The following P2RY12 variants were observed in gnomAD, a reference collection of about 807,000 sequenced individuals.
P2RY12 encodes the protein purinergic receptor P2Y12.
P2RY12 carries 3 observed loss-of-function variants against 4.5 expected under a neutral mutation model. The observed-to-expected ratio is 0.67, with a 90% CI of 0.31 to 1.74. The LOEUF (loss-of-function observed/expected upper bound fraction) is 1.74. Ranked by LOEUF, P2RY12 falls within the 40% of genes most tolerant of loss-of-function variation. The pLI is 0.09. For missense variants in P2RY12, 356 were observed against 407.8 expected (o/e 0.87, Z 1.09); for synonymous variants, 148 against 154.1 (o/e 0.96, Z 0.29).
chr3:151,381,453 G>T (rs1410240544), intron 1 of P2RY12, among the ~76,000 whole-genome samples: 1 of 152,136 alleles, frequency 6.6e-6, no homozygotes, highest in African/African-American at 2.4e-5. Flanking sequence ...ACCAGTCATG[G>T]CCCTCTTTCC....
chr3:151,344,274 A>C (rs1002972389), intron 1 of P2RY12, among the ~76,000 whole-genome samples: 4 of 148,644 alleles, frequency 2.7e-5, no homozygotes, highest in Admixed American at 6.9e-5. Context: ...TGATTTACAG[A>C]AAATATACTC....
At chr3:151,344,292 A>T (rs1163092386) in intron 1 of P2RY12, among the ~76,000 whole-genome samples, 1 of 107,304 alleles carries the variant, frequency 9.3e-6, no homozygotes, top group African/African-American at 4.0e-5. Context: ...CTCTATGTAT[A>T]GTTACTAATG....
intron 1 of P2RY12, among the ~76,000 whole-genome samples, chr3:151,367,211 C>A (rs191871276): frequency 1.8e-4 from 27 of 152,268 alleles, no homozygotes; most frequent in Admixed American, 9.8e-4. Flanking sequence ...GTAGTTACCA[C>A]TGAAAGGAAC....
chr3:151,368,723 TCA>T (rs1755766586), intron 1 of P2RY12, among the ~76,000 whole-genome samples: 3 of 88,530 alleles, frequency 3.4e-5, no homozygotes, highest in Admixed American at 1.3e-4. Flanking sequence ...TCATTTCATT[TCA>T]TTTCATTTCA....
At chr3:151,361,459 A>G (rs1343702179) in intron 1 of P2RY12, among the ~76,000 whole-genome samples, 1 of 152,160 alleles carries the variant, frequency 6.6e-6, no homozygotes, top group Non-Finnish European at 1.5e-5. Context: ...TAATCATAAA[A>G]AGGTACTGTA....
chr3:151,364,006 A>T (rs926631071), intron 1 of P2RY12, among the ~76,000 whole-genome samples: 1 of 151,376 alleles, frequency 6.6e-6, no homozygotes. Context: ...TATGGGGTTT[A>T]AAAAAAAAGC....
Position 151,337,496 on chromosome 3 carries a change from A to G in P2RY12, c.*321T>C, listed in dbSNP as rs1224562820. On this transcript the variant is annotated 3_prime_UTR_variant, in exon 3 of 3. Transcript: ENST00000302632. Reference sequence around the variant, plus strand: ...ATTGTGAACGATAATGTATTTTAAAAATTACAGTAAATATTATATGATTAC... The same window carrying G: ...ATTGTGAACGATAATGTATTTTAAAGATTACAGTAAATATTATATGATTAC... 1 of 251,738 alleles carries G rather than the reference A, an allele frequency of 4.0e-6. No individual in the cohort carries two copies. The highest frequency in any genetic ancestry group is 2.3e-5 in the African/African-American group (1 of 43,686). The allele number at this position is 251,738 out of a possible 1,614,324, so 15.6% of individuals were successfully genotyped here.
chr3:151,369,421 T>G (rs1205213134), intron 1 of P2RY12: 1 of 1,538,656 alleles, frequency 6.5e-7, no homozygotes, highest in South Asian at 1.2e-5. Context: ...TATTAAAGAT[T>G]TGTTGTTTTT....
Position 151,338,702 on chromosome 3 carries a change from C to A in P2RY12, c.144G>T (p.Arg48Ser). The A allele has an allele frequency of 1.9e-6, 3 of 1,613,486 alleles. No homozygotes were observed. The highest frequency in any genetic ancestry group is 1.1e-5 in the South Asian group (1 of 91,044). ...VGLITNGLAM[R>S]IFFQIRSKSN... ...ATTTACTCCGGATTTGAAAGAAAATCCTCATCGCCAGGCCATTTGTGATAA... is the reference window on the plus strand; with the variant it reads ...ATTTACTCCGGATTTGAAAGAAAATACTCATCGCCAGGCCATTTGTGATAA... The change falls in exon 3 of 3, where the codon AGG (arginine) becomes AGT (serine). Residue 48 changes from arginine (R) to serine (S), a missense_variant. By Grantham distance (110) the Arg-to-Ser change is moderately radical. Transcript: ENST00000302632.
Position 151,338,021 on chromosome 3 carries a change from A to G in P2RY12, c.825T>C (p.Thr275=), listed in dbSNP as rs371436740. The change falls in exon 3 of 3, where the codon ACT becomes ACC. Residue 275 remains threonine, a synonymous_variant. Coordinates refer to ENST00000302632, the MANE Select transcript of P2RY12 (RefSeq NM_022788.5). ...GAGTGCTCTCTTTCACATAGAACAG[A>G]GTATTTTCAGCAGTGCAGTCAAAGA... ...RDVFDCTAEN[T]LFYVKESTLW... 2 of 1,614,166 alleles carry G rather than the reference A, an allele frequency of 1.2e-6. No homozygotes were observed. The highest frequency in any genetic ancestry group is 2.7e-5 in the African/African-American group (2 of 75,060).
chr3:151,346,636 C>T (rs1752579361), intron 1 of P2RY12, among the ~76,000 whole-genome samples: 1 of 152,094 alleles, frequency 6.6e-6, no homozygotes, highest in Admixed American at 6.5e-5. Context: ...TTGTGTGACC[C>T]TGAATTATAG....
intron 1 of P2RY12, among the ~76,000 whole-genome samples, chr3:151,368,630 A>G (rs1255066914): frequency 2.4e-5 from 1 of 41,002 alleles, no homozygotes; most frequent in Non-Finnish European, 5.5e-5. Flanking sequence ...ATTTTATTTT[A>G]TTTCATTTCA....
rs149899257 is a variant in P2RY12 at position 151,377,580 on chromosome 3, C to A, written c.-180+7112G>T. On this transcript the variant is annotated intron_variant, in intron 1 of 2. Transcript: ENST00000302632. ...TAAAGTCTTAAAGTAATTATTTAAT[C>A]ATGAAAGGCTGATTTGTATTTCATC... 3.0e-3 allele frequency among the ~76,000 whole-genome samples: 454 copies of A among 152,308 alleles called. 2 individuals carry two copies. Among genetic ancestry groups the A allele is most frequent in the African/African-American group, 0.011 (442 of 41,566 alleles).
At chr3:151,370,912 C>G (rs1199479005) in intron 1 of P2RY12, among the ~76,000 whole-genome samples, 1 of 152,200 alleles carries the variant, frequency 6.6e-6, no homozygotes, top group African/African-American at 2.4e-5. Flanking sequence ...TTGCCCACCT[C>G]TTCATCCACA....
At chr3:151,384,619 A>T (rs558832041) in intron 1 of P2RY12, 73 bp downstream of exon 1, 1 of 190,708 alleles carries the variant, frequency 5.2e-6, no homozygotes. Flanking sequence ...TTAAAAAAAA[A>T]TTGTAAGAAA....
rs1755304212 is a variant in P2RY12 at position 151,366,576 on chromosome 3, A to G, written c.-180+18116T>C. Among the ~76,000 whole-genome samples the G allele has an allele frequency of 2.6e-5, 4 of 152,268 alleles. 1 individual carries two copies. In the South Asian group the frequency reaches 8.3e-4, roughly 32 times the overall value. ...ATCCATGATGTGTGTATTTCTTTAA[A>G]AATCTGTCTTGATTCTTTACTTCTC... On this transcript the variant is annotated intron_variant, in intron 1 of 2. Transcript: ENST00000302632.
intron 1 of P2RY12, chr3:151,384,297 A>C: frequency 7.6e-7 from 1 of 1,319,308 alleles, no homozygotes; most frequent in Admixed American, 2.5e-5. Flanking sequence ...TTTATTACTC[A>C]TTAAATGTTA....
At chr3:151,357,090 A>G (rs1754024969) in intron 1 of P2RY12, 4 of 873,886 alleles carry the variant, frequency 4.6e-6, no homozygotes, top group Non-Finnish European at 3.4e-6. Flanking sequence ...ATTTTAAAAA[A>G]GTTAAATTTA....
At chr3:151,357,204 C>T in intron 1 of P2RY12, 1 of 1,583,014 alleles carries the variant, frequency 6.3e-7, no homozygotes, top group Non-Finnish European at 8.6e-7. Context: ...GTCTTTTCTC[C>T]TGTTACAGTT....
Sources: gnomAD v4.1 joint callset for allele counts (sites outside exome capture counted in the v4.1 genomes callset) on GRCh38, gnomAD v4.1.1 for gene constraint, MANE v1.5 for transcripts, NCBI Gene and HGNC (gene_info 2026-07-23, HGNC 2026-07-21) for gene names.